AIDA: variants seen among roughly 807,000 people sequenced by gnomAD.
AIDA encodes the protein axin interactor, dorsalization associated.
A neutral mutation model predicts 42.7 loss-of-function variants in AIDA; 18 were observed. The ratio of observed to expected loss-of-function variants is 0.42; its 90% CI spans 0.29 to 0.63. The LOEUF is 0.63. Among genes scored for constraint, AIDA ranks in the 20% least tolerant of loss-of-function variants. The pLI is 0.19. For synonymous variants in AIDA, 104 were observed against 122.9 expected (o/e 0.85, Z 1.02); for missense variants, 250 against 354.1 (o/e 0.71, Z 2.36).
intron 5 of AIDA, among the ~76,000 whole-genome samples, chr1:222,687,258 C>T (rs1187070018): frequency 3.3e-5 from 5 of 151,956 alleles, no homozygotes; most frequent in East Asian, 1.9e-4. Context: ...GGTGAAATCC[C>T]GTCTCTACTA....
chr1:222,676,546 TATATA>T (rs1259988621), intron 6 of AIDA, among the ~76,000 whole-genome samples: 1 of 152,240 alleles, frequency 6.6e-6, no homozygotes, highest in African/African-American at 2.4e-5. Flanking sequence ...TATGCTCATT[TATATA>T]ATATACTTCT....
At position 222,694,315 on chromosome 1, in the gene AIDA, T is replaced by C. The variant is rs1558213279; in HGVS notation, c.181-52A>G. 4 of 1,395,576 alleles carry C rather than the reference T, an allele frequency of 2.9e-6. No individual in the cohort carries two copies. In the East Asian group the frequency reaches 6.9e-5, roughly 24 times the overall value. 86.4% of individuals were successfully genotyped at this position (1,395,576 alleles called of 1,614,324 possible). ...ATACCAGAATTATCATAACTGTTAGTTCAAATCATCAAGTTAATTTTTATT... is the reference window on the plus strand; with the variant it reads ...ATACCAGAATTATCATAACTGTTAGCTCAAATCATCAAGTTAATTTTTATT... On this transcript the variant is annotated intron_variant, in intron 2 of 9. Transcript: ENST00000340020.
At chr1:222,687,154 G>T in intron 5 of AIDA, 118 bp from the exon 6 acceptor site, 2 of 1,476,726 alleles carry the variant, frequency 1.4e-6, no homozygotes, top group Middle Eastern at 1.8e-4. Flanking sequence ...GATAGGCCGG[G>T]TGTGGTGGCT....
chr1:222,693,509 GT>G (rs1480386490), intron 4 of AIDA, among the ~76,000 whole-genome samples: 10 of 152,112 alleles, frequency 6.6e-5, no homozygotes, highest in Admixed American at 6.5e-5. Flanking sequence ...TGCTGCAAAT[GT>G]TTACCAAAGT....
chr1:222,680,226 T>C lies in AIDA; in HGVS notation c.461-4008A>G, dbSNP rs565760159. On this transcript the variant is annotated intron_variant, in intron 6 of 9. Coordinates refer to ENST00000340020, the MANE Select transcript of AIDA (RefSeq NM_022831.4). ...ATATGGCAGTAAGCAGTTAAGATTA[T>C]GTTCACTTGACTTGGTCCATTTAGT... Among the ~76,000 whole-genome samples the C allele has an allele frequency of 6.6e-5, 10 of 152,280 alleles. No individual in the cohort carries two copies. The East Asian group carries it at 1.9e-3, about 29-fold the overall frequency.
chr1:222,705,691 T>C (rs888448905), intron 1 of AIDA, among the ~76,000 whole-genome samples: 6 of 152,152 alleles, frequency 3.9e-5, no homozygotes, highest in Admixed American at 1.3e-4. Flanking sequence ...GAGACCAGCC[T>C]AGCCAACATG....
chr1:222,687,136 A>C, intron 5 of AIDA, 100 bp from the exon 6 acceptor site: 1 of 1,525,722 alleles, frequency 6.6e-7, no homozygotes, highest in Non-Finnish European at 8.8e-7. Flanking sequence ...CTGATATAAA[A>C]AAATGCTGAT....
chr1:222,678,549 T>C (rs749005213), intron 6 of AIDA, among the ~76,000 whole-genome samples: 13 of 152,084 alleles, frequency 8.5e-5, no homozygotes, highest in Non-Finnish European at 1.5e-4. Flanking sequence ...CCTGAGAATA[T>C]AATAAGGTTT....
At chr1:222,674,256 G>A (rs1371006658) in intron 7 of AIDA, among the ~76,000 whole-genome samples, 1 of 152,162 alleles carries the variant, frequency 6.6e-6, no homozygotes, top group Non-Finnish European at 1.5e-5. Flanking sequence ...GGAGGGGGCT[G>A]AGTGAGGGGA....
At chr1:222,690,254 G>A (rs1446961282) in intron 4 of AIDA, among the ~76,000 whole-genome samples, 2 of 152,156 alleles carry the variant, frequency 1.3e-5, no homozygotes, top group African/African-American at 2.4e-5. Context: ...CACAAAGAGG[G>A]ATTTATCCTG....
Position 222,669,790 on chromosome 1 carries a change from G to A in AIDA, c.*103C>T, listed in dbSNP as rs1471481884. ...CCGTCCGGCCTACTGGTCTGGGTAC[G>A]GCTTGCTTCCTGCCTGTTGAAGGGT... On this transcript the variant is annotated 3_prime_UTR_variant, in exon 10 of 10. Transcript: ENST00000340020. 4.7e-5 allele frequency: 49 copies of A among 1,052,098 alleles called. No individual in the cohort carries two copies. The highest frequency in any genetic ancestry group is 8.1e-5 in the African/African-American group (5 of 61,702). The allele number at this position is 1,052,098 out of a possible 1,614,324, so 65.2% of individuals were successfully genotyped here.
chr1:222,698,552 A>C (rs1351338825), intron 2 of AIDA, among the ~76,000 whole-genome samples: 1 of 151,186 alleles, frequency 6.6e-6, no homozygotes, highest in African/African-American at 2.4e-5. Context: ...CCCAGATTCA[A>C]GCGATTCTCC....
At chr1:222,694,888 T>C (rs78594297) in intron 2 of AIDA, among the ~76,000 whole-genome samples, 2,601 of 152,328 alleles carry the variant, frequency 0.017, 30 homozygotes, top group Middle Eastern at 0.058. Context: ...AGACATTTGA[T>C]TGTATGAACT....
At position 222,694,261 on chromosome 1, in the gene AIDA, T is replaced by A. The variant is rs1408584273; in HGVS notation, c.183A>T (p.Lys61Asn). The A allele has an allele frequency of 5.6e-6, 9 of 1,611,462 alleles. No individual in the cohort carries two copies. The highest frequency in any genetic ancestry group is 2.7e-5 in the African/African-American group (2 of 74,844). The change falls in exon 3 of 10, where the codon AAA (lysine) becomes AAT (asparagine). Residue 61 changes from lysine (K) to asparagine (N), a missense_variant and splice_region_variant. Coordinates refer to ENST00000340020, the MANE Select transcript of AIDA (RefSeq NM_022831.4). ...AGCATGTTGCAATTTTGCCTATGGT[T>A]TTCTGCAGGGGAATAAAAAAAGCTA... ...NNSEFTEEQK[K>N]TIGKIATCLE...
At chr1:222,710,591 A>G (rs1027340588) in intron 1 of AIDA, among the ~76,000 whole-genome samples, 4 of 152,226 alleles carry the variant, frequency 2.6e-5, no homozygotes, top group Non-Finnish European at 5.9e-5. Context: ...ATAGGTGCTT[A>G]CTAATTGGCT....
chr1:222,702,657 A>C (rs1403104564), intron 2 of AIDA, among the ~76,000 whole-genome samples: 1 of 152,052 alleles, frequency 6.6e-6, no homozygotes, highest in African/African-American at 2.4e-5. Flanking sequence ...TTCAGTGGAG[A>C]GGTGTTTTGG....
At position 222,688,800 on chromosome 1, in the gene AIDA, T is replaced by C. The variant is rs145987465; in HGVS notation, c.290-1142A>G. Among the ~76,000 whole-genome samples the C allele has an allele frequency of 1.2e-4, 19 of 152,242 alleles. No homozygotes were observed. In the East Asian group the frequency reaches 1.9e-3, roughly 16 times the overall value. On this transcript the variant is annotated intron_variant, in intron 4 of 9. Transcript: ENST00000340020. ...TTTTTATAGAGACGGAGTTTTGCCA[T>C]GTTGGCCAGGCTGGTCTCGAACTCC... is the stretch of plus-strand genomic sequence containing the variant.
intron 1 of AIDA, among the ~76,000 whole-genome samples, chr1:222,707,762 A>AG (rs1300912746): frequency 6.6e-6 from 1 of 152,242 alleles, no homozygotes; most frequent in Non-Finnish European, 1.5e-5. Flanking sequence ...GAAACCCCAC[A>AG]GCATTCTGTG....
intron 2 of AIDA, among the ~76,000 whole-genome samples, chr1:222,694,673 A>T (rs1038621033): frequency 6.6e-6 from 1 of 152,250 alleles, no homozygotes; most frequent in African/African-American, 2.4e-5. Flanking sequence ...CTTAAGTCCA[A>T]CACCAACTTG....
Sources: allele counts gnomAD v4.1 joint callset (sites outside exome capture counted in the v4.1 genomes callset), GRCh38; gene constraint gnomAD v4.1.1; transcripts MANE v1.5; gene names NCBI Gene and HGNC (gene_info 2026-07-23, HGNC 2026-07-21).